EPHA5: variants seen among roughly 807,000 people sequenced by gnomAD.
The protein encoded by EPHA5 is ephrin type-A receptor 5.
In EPHA5, 60 loss-of-function variants were observed where a neutral mutation model predicts 105.0. That is an observed-to-expected ratio of 0.57 (90% confidence interval 0.46 to 0.71). EPHA5 has a LOEUF of 0.71. EPHA5 is among the 30% of genes least tolerant of loss of function. EPHA5 has a pLI of 0.00. For synonymous variants in EPHA5, 513 were observed against 449.1 expected (o/e 1.14, Z -1.80); for missense variants, 1,218 against 1,274.7 (o/e 0.96, Z 0.68).
intron 3 of EPHA5, among the ~76,000 whole-genome samples, chr4:65,591,384 G>T (rs936829656): frequency 2.6e-5 from 4 of 151,430 alleles, no homozygotes; most frequent in Admixed American, 6.6e-5. Flanking sequence ...TATAATTACT[G>T]AGTTGACTGA....
At chr4:65,573,831 C>T (rs1740502017) in intron 3 of EPHA5, 7 of 1,613,606 alleles carry the variant, frequency 4.3e-6, no homozygotes, top group Non-Finnish European at 5.9e-6. Flanking sequence ...GCCTCGAAAG[C>T]TGTTGAGCCA....
chr4:65,353,162 C>T (rs2148861046), intron 11 of EPHA5, 59 bp from the exon 12 acceptor site: 1 of 1,011,436 alleles, frequency 9.9e-7, no homozygotes, highest in South Asian at 2.4e-5. Flanking sequence ...TCTTATCTGG[C>T]AAAGCTTACC....
chr4:65,476,167 T>C (rs1265282984), intron 5 of EPHA5, among the ~76,000 whole-genome samples: 1 of 149,024 alleles, frequency 6.7e-6, no homozygotes, highest in Non-Finnish European at 1.5e-5. Flanking sequence ...TGTTAAAATA[T>C]GCAGATTATT....
chr4:65,485,846 C>A (rs1321180993), intron 5 of EPHA5, among the ~76,000 whole-genome samples: 3 of 152,240 alleles, frequency 2.0e-5, no homozygotes, highest in East Asian at 1.9e-4. Flanking sequence ...TCCCTCAGAA[C>A]CACAAACTTT....
intron 2 of EPHA5, among the ~76,000 whole-genome samples, chr4:65,620,107 G>GATATATATATATATAT (rs1560782382): frequency 3.2e-5 from 2 of 62,680 alleles, no homozygotes; most frequent in African/African-American, 5.4e-5. Context: ...TTTGGACTCA[G>GATATATATATATATAT]GTATATATAT....
chr4:65,528,621 T>A (rs1459978720), intron 3 of EPHA5, among the ~76,000 whole-genome samples: 2 of 152,328 alleles, frequency 1.3e-5, no homozygotes, highest in Non-Finnish European at 2.9e-5. Context: ...TTGCATACTA[T>A]GTACTTGTCA....
Position 65,322,751 on chromosome 4 carries a change from G to T in EPHA5, c.*1363C>A, listed in dbSNP as rs184270703. ...TGAATACAAACTGAAATTAACAAAT[G>T]AATAAACATCCATTAAAAATAAAAC... On this transcript the variant is annotated 3_prime_UTR_variant, in exon 17 of 17. Transcript: ENST00000613740. 8.8e-6 allele frequency: 2 copies of T among 226,428 alleles called. No individual in the cohort carries two copies. Among genetic ancestry groups the T allele is most frequent in the Admixed American group, 1.1e-4 (2 of 17,454 alleles). 14.0% of individuals were successfully genotyped at this position (226,428 alleles called of 1,614,324 possible). A position where few individuals can be genotyped will look rare whatever the true frequency, so the allele number is the denominator to read the frequency against.
At chr4:65,576,033 AGAAAG>A (rs1740905274) in intron 3 of EPHA5, among the ~76,000 whole-genome samples, 1 of 119,164 alleles carries the variant, frequency 8.4e-6, no homozygotes, top group South Asian at 2.8e-4. Flanking sequence ...AAAGAAAGAA[AGAAAG>A]AAAGAAAGAA....
intron 1 of EPHA5, among the ~76,000 whole-genome samples, chr4:65,666,278 C>T (rs1215403920): frequency 2.0e-5 from 3 of 152,112 alleles, no homozygotes; most frequent in Non-Finnish European, 4.4e-5. Context: ...CTGTCAGAAG[C>T]ACTTTACTGG....
At chr4:65,404,305 C>T in intron 8 of EPHA5, 69 bp downstream of exon 8, 1 of 1,341,942 alleles carries the variant, frequency 7.5e-7, no homozygotes, top group Non-Finnish European at 1.1e-6. Flanking sequence ...TGCTCAACAG[C>T]CAAATGGTCA....
chr4:65,596,643 G>C (rs969837317), intron 3 of EPHA5, among the ~76,000 whole-genome samples: 28 of 151,216 alleles, frequency 1.9e-4, no homozygotes, highest in Admixed American at 1.5e-3. Flanking sequence ...GAAATGATTT[G>C]ACTACTTAAT....
intron 8 of EPHA5, among the ~76,000 whole-genome samples, chr4:65,382,331 CTT>C (rs1281909519): frequency 6.6e-6 from 1 of 151,256 alleles, no homozygotes; most frequent in African/African-American, 2.4e-5. Context: ...TCTGTTTTTA[CTT>C]TGTTTCATTA....
intron 2 of EPHA5, among the ~76,000 whole-genome samples, chr4:65,610,673 T>C (rs1195680535): frequency 6.6e-6 from 1 of 152,114 alleles, no homozygotes; most frequent in Non-Finnish European, 1.5e-5. Flanking sequence ...ATGCCTGAAA[T>C]TAACAAATTA....
intron 3 of EPHA5, among the ~76,000 whole-genome samples, chr4:65,596,681 A>AACACACACAC (rs71205392): frequency 0.018 from 2,642 of 150,574 alleles, 48 homozygotes; most frequent in Non-Finnish European, 0.023. Context: ...ACAAAAGCAG[A>AACACACACAC]ACACACACAC....
At chr4:65,495,685 T>C (rs1408214167) in intron 3 of EPHA5, 142 bp from the exon 4 acceptor site, 2 of 612,688 alleles carry the variant, frequency 3.3e-6, no homozygotes, top group Non-Finnish European at 2.7e-6. Flanking sequence ...TTTCATAAGC[T>C]TCTGGATCAT....
rs576094209 is a variant in EPHA5 at position 65,360,014 on chromosome 4, A to T, written c.2173+5003T>A. Reference sequence around the variant, plus strand: ...CCAATGGCCTTCTTGCTGTTTCTCGAACCTTCCAGGCAAGTTCCCTTAGAG... The same window carrying T: ...CCAATGGCCTTCTTGCTGTTTCTCGTACCTTCCAGGCAAGTTCCCTTAGAG... On this transcript the variant is annotated intron_variant, in intron 11 of 16. Transcript: ENST00000613740. Among the ~76,000 whole-genome samples, 5 of 151,680 alleles carry T rather than the reference A, an allele frequency of 3.3e-5. No individual in the cohort carries two copies. The East Asian group carries it at 9.7e-4, about 29-fold the overall frequency.
At chr4:65,578,946 G>T (rs1291260628) in intron 3 of EPHA5, among the ~76,000 whole-genome samples, 1 of 151,878 alleles carries the variant, frequency 6.6e-6, no homozygotes, top group African/African-American at 2.4e-5. Context: ...CTACATTTTT[G>T]AAAATAATCT....
intron 16 of EPHA5, among the ~76,000 whole-genome samples, chr4:65,329,683 A>G (rs1720406594): frequency 6.6e-6 from 1 of 151,296 alleles, no homozygotes; most frequent in Non-Finnish European, 1.5e-5. Context: ...GCCTTCATAA[A>G]ATTAATACTT....
intron 8 of EPHA5, among the ~76,000 whole-genome samples, chr4:65,369,241 G>A (rs908857853): frequency 1.2e-4 from 19 of 152,154 alleles, no homozygotes; most frequent in Non-Finnish European, 2.8e-4. Flanking sequence ...TTTGGAGAGG[G>A]AATGTGCTGA....
Sources: gnomAD v4.1 joint callset for allele counts (sites outside exome capture counted in the v4.1 genomes callset) on GRCh38, gnomAD v4.1.1 for gene constraint, MANE v1.5 for transcripts, NCBI Gene and HGNC (gene_info 2026-07-23, HGNC 2026-07-21) for gene names.